Variants in USP8 observed in about 807,000 individuals in gnomAD.
USP8 encodes ubiquitin specific peptidase 8, also known as ubiquitin carboxyl-terminal hydrolase 8.
USP8 carries 27 observed loss-of-function variants against 130.0 expected under a neutral mutation model. That is an observed-to-expected ratio of 0.21 (90% CI 0.15 to 0.29). The LOEUF is 0.29. Ranked by LOEUF, USP8 falls within the 10% of genes least tolerant of loss-of-function variation. The pLI is 1.00. For synonymous variants in USP8, 392 were observed against 444.1 expected (o/e 0.88, Z 1.48); for missense variants, 1,029 against 1,312.2 (o/e 0.78, Z 3.33).
At chr15:50,498,513 G>C in intron 18 of USP8, 83 bp from the exon 19 acceptor site, 1 of 1,452,374 alleles carries the variant, frequency 6.9e-7, no homozygotes, top group South Asian at 1.6e-5. Flanking sequence ...TTACAGTCCT[G>C]GCTAAAAATC....
At chr15:50,453,184 A>G (rs541985221) in intron 4 of USP8, among the ~76,000 whole-genome samples, 1 of 152,374 alleles carries the variant, frequency 6.6e-6, no homozygotes, top group Admixed American at 6.5e-5. Flanking sequence ...TTATTGCCTA[A>G]GCAGATGGAA....
intron 2 of USP8, among the ~76,000 whole-genome samples, chr15:50,440,725 A>G (rs1326832920): frequency 6.6e-6 from 1 of 152,082 alleles, no homozygotes; most frequent in Non-Finnish European, 1.5e-5. Context: ...AACCTTGGCT[A>G]GGCGCGGTGG....
At chr15:50,443,842 A>T (rs2050336344) in intron 3 of USP8, among the ~76,000 whole-genome samples, 1 of 152,060 alleles carries the variant, frequency 6.6e-6, no homozygotes, top group South Asian at 2.1e-4. Context: ...AGGTTCATTC[A>T]TCTGTCCACA....
Position 50,425,801 on chromosome 15 carries a change from A to G in USP8, c.-66+1287A>G, listed in dbSNP as rs182854188. The stretch of plus-strand genomic sequence containing the variant: ...TTCGTTTTTTAATATATTTACTTGG[A>G]CTTTAATCTTTATGGGCATTTGTTT... On this transcript the variant is annotated intron_variant, in intron 1 of 19. Coordinates refer to ENST00000307179, the MANE Select transcript of USP8 (RefSeq NM_005154.5). Among the ~76,000 whole-genome samples the G allele has an allele frequency of 2.7e-4, 41 of 152,200 alleles. No individual in the cohort carries two copies. The East Asian group carries it at 6.9e-3, about 26-fold the overall frequency.
At chr15:50,449,153 GACTT>G (rs911361104) in intron 3 of USP8, among the ~76,000 whole-genome samples, 9 of 152,150 alleles carry the variant, frequency 5.9e-5, no homozygotes, top group Non-Finnish European at 8.8e-5. Context: ...TTTTAACAGA[GACTT>G]ACAAATAAGT....
intron 3 of USP8, among the ~76,000 whole-genome samples, chr15:50,444,101 T>G (rs1237649866): frequency 7.0e-6 from 1 of 143,346 alleles, no homozygotes; most frequent in South Asian, 2.2e-4. Flanking sequence ...TGGTAGGTTT[T>G]TTTTTTTTTT....
chr15:50,448,528 T>A (rs1000181642), intron 3 of USP8, among the ~76,000 whole-genome samples: 3 of 152,134 alleles, frequency 2.0e-5, no homozygotes, highest in African/African-American at 7.2e-5. Context: ...GGAATTTTTT[T>A]TTTTTTTTTA....
At chr15:50,489,741 A>G (rs1174125588) in intron 12 of USP8, 60 bp from the exon 13 acceptor site, 15 of 1,196,288 alleles carry the variant, frequency 1.3e-5, no homozygotes, top group Non-Finnish European at 1.7e-5. Context: ...ACAAAATTTA[A>G]TTGAAAAATC....
chr15:50,462,336 G>A lies in USP8; in HGVS notation c.541+14G>A, dbSNP rs774800212. ...CCAAAGAGAAAGGTAAGTGTGTACAGAAGGAGGAAGTTGTTTTAGGTTCTG... is the reference window on the plus strand; with the variant it reads ...CCAAAGAGAAAGGTAAGTGTGTACAAAAGGAGGAAGTTGTTTTAGGTTCTG... On this transcript the variant is annotated intron_variant, in intron 6 of 19. Coordinates refer to ENST00000307179, the MANE Select transcript of USP8 (RefSeq NM_005154.5). The A allele has an allele frequency of 1.3e-6, 2 of 1,591,702 alleles. No individual in the cohort carries two copies. The highest frequency in any genetic ancestry group is 1.7e-6 in the Non-Finnish European group (2 of 1,173,426).
At chr15:50,457,579 AC>A (rs2050832103) in intron 4 of USP8, among the ~76,000 whole-genome samples, 1 of 147,616 alleles carries the variant, frequency 6.8e-6, no homozygotes, top group Non-Finnish European at 1.5e-5. Flanking sequence ...AAAAAAAAAA[AC>A]AGCCAGCCAC....
Position 50,495,889 on chromosome 15 carries a change from T to C in USP8, c.2700T>C (p.His900=), listed in dbSNP as rs1566892377. 6.2e-7 allele frequency: 1 copy of C among 1,613,866 alleles called. No homozygotes were observed. The highest frequency in any genetic ancestry group is 8.5e-7 in the Non-Finnish European group (1 of 1,179,908). The part of the protein sequence containing the change: ...RKRYKEENND[H]LDDFKAAEHA... ...GATATAAAGAAGAAAATAATGATCA[T>C]CTCGATGACTTTAAAGCTGCAGAAC... Residue 900 remains histidine (H), a synonymous_variant, in exon 17 of 20, where the codon CAT becomes CAC. Transcript: ENST00000307179.
At chr15:50,462,430 C>T (rs2051040502) in intron 6 of USP8, 108 bp downstream of exon 6, 1 of 953,696 alleles carries the variant, frequency 1.0e-6, no homozygotes, top group East Asian at 2.8e-5. Context: ...GTTGTCTAAT[C>T]TCTATGTAAG....
Position 50,508,552 on chromosome 15 carries a change from C to T in USP8, c.*9464C>T, listed in dbSNP as rs933775194. 1 of 151,982 alleles carries T rather than the reference C, an allele frequency of 6.6e-6. No homozygotes were observed. Among genetic ancestry groups the T allele is most frequent in the African/African-American group, 2.4e-5 (1 of 41,378 alleles). 9.4% of individuals were successfully genotyped at this position (151,982 alleles called of 1,614,324 possible). ...AGACTGAGTGTTAATACACTGGACA[C>T]TCAGTTTAAAACATTAAAACATAAC... On this transcript the variant is annotated 3_prime_UTR_variant, in exon 20 of 20. Coordinates refer to ENST00000307179, the MANE Select transcript of USP8 (RefSeq NM_005154.5).
At chr15:50,478,925 C>T (rs1426973461) in intron 10 of USP8, among the ~76,000 whole-genome samples, 18 of 152,014 alleles carry the variant, frequency 1.2e-4, no homozygotes, top group Admixed American at 9.8e-4. Context: ...CGTGGTGGTG[C>T]GTGCCTGCAG....
intron 6 of USP8, among the ~76,000 whole-genome samples, chr15:50,462,796 T>G (rs1237768357): frequency 6.6e-6 from 1 of 152,150 alleles, no homozygotes; most frequent in Non-Finnish European, 1.5e-5. Flanking sequence ...GTTGTCAGGG[T>G]TGAATGAGCT....
In USP8 at chr15:50,449,404, A is replaced by C. The variant is rs1322588568; in HGVS notation, c.254A>C (p.Tyr85Ser). Residue 85 changes from tyrosine (Y) to serine (S), a missense_variant, in exon 4 of 20, where the codon TAT (tyrosine) becomes TCT (serine). Around this residue, in one of 4 missense-constraint regions of USP8, gnomAD observed 281 missense variants for 336.7 expected, o/e 0.83. Coordinates refer to ENST00000307179, the MANE Select transcript of USP8 (RefSeq NM_005154.5). ...ATGGTTTTCCTATAATTTTAGGATT[A>C]TTTCCATTCAATACTTGGACCTGGA... The part of the protein sequence containing the change: ...KRPDFKQQQD[Y>S]FHSILGPGNI... The C allele has an allele frequency of 2.6e-5, 41 of 1,574,586 alleles. No individual in the cohort carries two copies. Among genetic ancestry groups the C allele is most frequent in the Non-Finnish European group, 3.4e-5 (39 of 1,159,666 alleles).
At chr15:50,431,155 G>A (rs951947777) in intron 1 of USP8, among the ~76,000 whole-genome samples, 1 of 143,128 alleles carries the variant, frequency 7.0e-6, no homozygotes, top group African/African-American at 2.6e-5. Flanking sequence ...AGGGTACAGT[G>A]TGTGTGCCTC....
At chr15:50,443,075 G>T (rs1322444024) in intron 3 of USP8, among the ~76,000 whole-genome samples, 1 of 152,206 alleles carries the variant, frequency 6.6e-6, no homozygotes, top group Non-Finnish European at 1.5e-5. Context: ...GTCTCGCCCT[G>T]TCACCCAGGC....
rs1595981623 is a variant in USP8, at chr15:50,490,355, A to G, written c.2064A>G (p.Ala688=). 6.2e-7 allele frequency: 1 copy of G among 1,613,318 alleles called. No individual in the cohort carries two copies. Among genetic ancestry groups the G allele is most frequent in the Non-Finnish European group, 8.5e-7 (1 of 1,179,898 alleles). The change falls in exon 14 of 20, where the codon GCA becomes GCG. Residue 688 remains alanine, a synonymous_variant. Coordinates refer to ENST00000307179, the MANE Select transcript of USP8 (RefSeq NM_005154.5). ...CACCGGAAATGGCTCCTTCATCTGCACCTCCTTCCACCCCTCCAACTCATA... is the reference window on the plus strand; with the variant it reads ...CACCGGAAATGGCTCCTTCATCTGCGCCTCCTTCCACCCCTCCAACTCATA... ...MYPPEMAPSS[A]PPSTPPTHKA...
Sources: allele counts gnomAD v4.1 joint callset (sites outside exome capture counted in the v4.1 genomes callset), GRCh38; gene constraint gnomAD v4.1.1; regional missense constraint gnomAD v4.1.1; transcripts MANE v1.5; gene names NCBI Gene and HGNC (gene_info 2026-07-23, HGNC 2026-07-21).